LRRC4C: variants seen among roughly 807,000 people sequenced by gnomAD.
The protein encoded by LRRC4C is leucine-rich repeat-containing protein 4C.
In LRRC4C, 5 loss-of-function variants were observed where a neutral mutation model predicts 33.6. The observed-to-expected ratio is 0.15, with a 90% CI of 0.08 to 0.31. The LOEUF (loss-of-function observed/expected upper bound fraction) is 0.31. Ranked by LOEUF, LRRC4C falls within the 10% of genes least tolerant of loss-of-function variation. The pLI, the probability that LRRC4C is intolerant of heterozygous loss-of-function variation, is 1.00. For missense variants in LRRC4C, 560 were observed against 796.7 expected (o/e 0.70, Z 3.58); for synonymous variants, 329 against 302.0 (o/e 1.09, Z -0.93).
At chr11:40,683,489 C>T (rs181108260) in intron 2 of LRRC4C, among the ~76,000 whole-genome samples, 24 of 151,808 alleles carry the variant, frequency 1.6e-4, no homozygotes, top group Admixed American at 3.3e-4. Flanking sequence ...AACAGATGCT[C>T]GGAAATGATG....
intron 3 of LRRC4C, among the ~76,000 whole-genome samples, chr11:40,581,631 C>T (rs905284258): frequency 2.6e-4 from 40 of 152,198 alleles, no homozygotes; most frequent in East Asian, 9.7e-4. Context: ...AGGCCGGGAG[C>T]GGTGGCTCAT....
intron 1 of LRRC4C, among the ~76,000 whole-genome samples, chr11:40,947,398 T>G (rs966695885): frequency 2.0e-5 from 3 of 152,160 alleles, no homozygotes; most frequent in African/African-American, 7.2e-5. Context: ...GGTCTTGCTT[T>G]TAAGCTTTGT....
chr11:40,758,356 C>G (rs1468088275), intron 2 of LRRC4C, among the ~76,000 whole-genome samples: 1 of 151,944 alleles, frequency 6.6e-6, no homozygotes, highest in Non-Finnish European at 1.5e-5. Flanking sequence ...TGAGGGTCCT[C>G]TCCTCCTGCT....
intron 3 of LRRC4C, among the ~76,000 whole-genome samples, chr11:40,459,810 CCA>C (rs1309373389): frequency 1.4e-4 from 21 of 152,144 alleles, no homozygotes; most frequent in Admixed American, 1.4e-3. Context: ...GTTGTTGGTG[CCA>C]CAGAGCAAGA....
chr11:41,048,541 G>A (rs1857969016), intron 1 of LRRC4C, among the ~76,000 whole-genome samples: 1 of 152,036 alleles, frequency 6.6e-6, no homozygotes, highest in African/African-American at 2.4e-5. Context: ...GGGATTACAG[G>A]CGTGAGCCAC....
At chr11:40,640,196 A>G (rs1244991237) in intron 3 of LRRC4C, among the ~76,000 whole-genome samples, 1 of 152,198 alleles carries the variant, frequency 6.6e-6, no homozygotes, top group Non-Finnish European at 1.5e-5. Flanking sequence ...CGTATTTTTA[A>G]TACTTTTAAT....
intron 2 of LRRC4C, among the ~76,000 whole-genome samples, chr11:40,858,511 A>G (rs1591911303): frequency 6.6e-6 from 1 of 151,988 alleles, no homozygotes; most frequent in Admixed American, 6.6e-5. Flanking sequence ...CCTGGCCAAC[A>G]TGGTGAAATC....
chr11:41,007,327 C>T (rs986874018), intron 1 of LRRC4C, among the ~76,000 whole-genome samples: 1 of 151,756 alleles, frequency 6.6e-6, no homozygotes, highest in African/African-American at 2.4e-5. Context: ...CTCAAACTCA[C>T]TAATTATTCT....
chr11:40,373,657 G>T (rs1453378685), intron 3 of LRRC4C, among the ~76,000 whole-genome samples: 1 of 152,152 alleles, frequency 6.6e-6, no homozygotes, highest in African/African-American at 2.4e-5. Flanking sequence ...CGATCATGGT[G>T]GCGGCTCACT....
intron 1 of LRRC4C, among the ~76,000 whole-genome samples, chr11:41,183,172 C>A (rs1393445853): frequency 6.6e-6 from 1 of 151,946 alleles, no homozygotes; most frequent in African/African-American, 2.4e-5. Context: ...TATCATTCTG[C>A]CCCTGGCCCC....
At chr11:41,433,917 G>T (rs1955333898) in intron 1 of LRRC4C, among the ~76,000 whole-genome samples, 3 of 151,428 alleles carry the variant, frequency 2.0e-5, no homozygotes, top group Admixed American at 6.6e-5. Flanking sequence ...TTTAAAAGTT[G>T]CTCCCACTAA....
Position 40,114,746 on chromosome 11 carries a change from A to T in LRRC4C, c.1547T>A (p.Ile516Asn). 1 of 1,614,118 alleles carries T rather than the reference A, an allele frequency of 6.2e-7. No individual in the cohort carries two copies. Among genetic ancestry groups the T allele is most frequent in the Non-Finnish European group, 8.5e-7 (1 of 1,180,014 alleles). The change falls in exon 7 of 7, where the codon ATC (isoleucine) becomes AAC (asparagine). Residue 516 changes from isoleucine (I) to asparagine (N), a missense_variant. By Grantham distance (149) the Ile-to-Asn change is moderately radical. Transcript: ENST00000528697. ...CTTCATGACCTCATCAATTCCTGGGATCCCACTGTTTATATCAGTCACTGG... is the reference window on the plus strand; with the variant it reads ...CTTCATGACCTCATCAATTCCTGGGTTCCCACTGTTTATATCAGTCACTGG... ...TIPVTDINSG[I>N]PGIDEVMKTT...
At chr11:40,601,619 TTG>T (rs889950957) in intron 3 of LRRC4C, among the ~76,000 whole-genome samples, 2 of 152,222 alleles carry the variant, frequency 1.3e-5, no homozygotes, top group African/African-American at 4.8e-5. Flanking sequence ...TGGCTTCATT[TTG>T]TATCATTAAA....
rs1307380415 is a variant in LRRC4C, at chr11:40,480,671, G to GTA, written c.-269-160952_-269-160951dup. Among the ~76,000 whole-genome samples, 16 of 151,852 alleles carry GTA rather than the reference G, an allele frequency of 1.1e-4. No homozygotes were observed. The East Asian group carries it at 2.9e-3, about 27-fold the overall frequency. ...GTGTATGTATAGACACAGATTCTTTGTATATATACCATATATATGTATATA... is the reference window on the plus strand; with the variant it reads ...GTGTATGTATAGACACAGATTCTTTGTATATATATACCATATATATGTATATA... On this transcript the variant is annotated intron_variant, in intron 3 of 6. Transcript: ENST00000528697.
chr11:40,407,232 A>T (rs538739829), intron 3 of LRRC4C, among the ~76,000 whole-genome samples: 1 of 152,232 alleles, frequency 6.6e-6, no homozygotes, highest in East Asian at 1.9e-4. Context: ...ATAAATGTTC[A>T]GGCCATGTGG....
intron 1 of LRRC4C, among the ~76,000 whole-genome samples, chr11:41,361,180 C>T (rs1182086851): frequency 6.6e-6 from 1 of 152,144 alleles, no homozygotes; most frequent in Non-Finnish European, 1.5e-5. Flanking sequence ...GATGATGTCA[C>T]AAGAGCATAA....
At chr11:40,291,909 C>G (rs1313597768) in intron 4 of LRRC4C, among the ~76,000 whole-genome samples, 1 of 151,604 alleles carries the variant, frequency 6.6e-6, no homozygotes, top group Non-Finnish European at 1.5e-5. Context: ...GCACCCGACA[C>G]TGCAGCGGCT....
Position 40,279,905 on chromosome 11 carries a change from C to G in LRRC4C, c.-175-38307G>C, listed in dbSNP as rs377155418. 6.6e-5 allele frequency among the ~76,000 whole-genome samples: 10 copies of G among 152,214 alleles called. No homozygotes were observed. The South Asian group carries it at 1.2e-3, about 19-fold the overall frequency. On this transcript the variant is annotated intron_variant, in intron 4 of 6. Coordinates refer to ENST00000528697, the MANE Select transcript of LRRC4C (RefSeq NM_001258419.2). ...GGGAGATATAATTTCATTTTAAAAT[C>G]TTTAGTATATGAATCTGAGAAAAAG...
intron 1 of LRRC4C, among the ~76,000 whole-genome samples, chr11:41,113,526 A>G (rs1941958366): frequency 6.6e-6 from 1 of 152,080 alleles, no homozygotes; most frequent in Non-Finnish European, 1.5e-5. Flanking sequence ...AATTTTCTGC[A>G]TGTTTTAAAA....
Sources: gnomAD v4.1 joint callset for allele counts (sites outside exome capture counted in the v4.1 genomes callset) on GRCh38, gnomAD v4.1.1 for gene constraint, MANE v1.5 for transcripts, NCBI Gene and HGNC (gene_info 2026-07-23, HGNC 2026-07-21) for gene names.